The following UBE2QL1 variants were observed in gnomAD, a reference collection of about 807,000 sequenced individuals.
UBE2QL1 encodes the protein ubiquitin conjugating enzyme E2 QL1.
In UBE2QL1, 5 loss-of-function variants were observed where a neutral mutation model predicts 12.6. That is an observed-to-expected ratio of 0.40 (90% CI 0.21 to 0.83). The LOEUF (loss-of-function observed/expected upper bound fraction) is 0.83. Ranked by LOEUF, UBE2QL1 falls within the 40% of genes least tolerant of loss-of-function variation. The pLI is 0.37. For missense variants in UBE2QL1, 99 were observed against 222.6 expected (o/e 0.44, Z 3.53); for synonymous variants, 96 against 94.5 (o/e 1.02, Z -0.10).
rs114470364 is a variant in UBE2QL1, at chr5:6,470,001, C to T, written c.354+20754C>T. On this transcript the variant is annotated intron_variant, in intron 1 of 1. Transcript: ENST00000399816. Reference sequence around the variant, plus strand: ...GGCGGGACCCTGCAATGGTCTGTGGCGATTATAAGACAACAGCGATGCCGG... The same window carrying T: ...GGCGGGACCCTGCAATGGTCTGTGGTGATTATAAGACAACAGCGATGCCGG... Among the ~76,000 whole-genome samples the T allele has an allele frequency of 3.9e-3, 592 of 152,226 alleles. 6 individuals are homozygous for T. Among genetic ancestry groups the T allele is most frequent in the African/African-American group, 0.014 (563 of 41,530 alleles).
intron 1 of UBE2QL1, among the ~76,000 whole-genome samples, chr5:6,490,993 C>A (rs35044091): frequency 0.018 from 2,777 of 152,246 alleles, 34 homozygotes; most frequent in Non-Finnish European, 0.026. Flanking sequence ...CAGCACCCCC[C>A]TCCCCTAAAA....
At chr5:6,474,009 T>C (rs772801383) in intron 1 of UBE2QL1, among the ~76,000 whole-genome samples, 8 of 152,270 alleles carry the variant, frequency 5.3e-5, no homozygotes, top group Non-Finnish European at 8.8e-5. Flanking sequence ...AATTATTGGC[T>C]GCAAACATAA....
rs929016088 is a variant in UBE2QL1 at position 6,481,816 on chromosome 5, A to G, written c.355-9402A>G. On this transcript the variant is annotated intron_variant, in intron 1 of 1. Transcript: ENST00000399816. This position sits in a 1 kb window ranked among gnomAD's most constrained non-coding sequence, Gnocchi z 4.5. ...CCGCCATACCACCTCCCAAATGACC[A>G]TCCACAAGGAAAACATGGCCCAATG... is the stretch of plus-strand genomic sequence containing the variant. Among the ~76,000 whole-genome samples the G allele has an allele frequency of 3.3e-5, 5 of 152,172 alleles. No individual in the cohort carries two copies. The highest frequency in any genetic ancestry group is 9.7e-5 in the African/African-American group (4 of 41,438).
Position 6,476,715 on chromosome 5 carries a change from T to G in UBE2QL1, c.355-14503T>G, listed in dbSNP as rs778208014. Among the ~76,000 whole-genome samples the G allele has an allele frequency of 6.6e-6, 1 of 152,234 alleles. No individual in the cohort carries two copies. Among genetic ancestry groups the G allele is most frequent in the Non-Finnish European group, 1.5e-5 (1 of 68,038 alleles). ...GTTCCTTTCATTGCCTGGAGTGACC[T>G]TTGGTCGTATCACATGAGAGATGCC... On this transcript the variant is annotated intron_variant, in intron 1 of 1. Transcript: ENST00000399816. The surrounding 1 kb of genome is among the most constrained non-coding windows in gnomAD (Gnocchi z 4.9).
chr5:6,465,218 C>T (rs745715924), intron 1 of UBE2QL1, among the ~76,000 whole-genome samples: 11 of 152,082 alleles, frequency 7.2e-5, no homozygotes, highest in African/African-American at 1.2e-4. Flanking sequence ...AACTTTTGAC[C>T]TCAGGTGATC....
At chr5:6,458,820 G>A (rs974778661) in intron 1 of UBE2QL1, among the ~76,000 whole-genome samples, 1 of 152,208 alleles carries the variant, frequency 6.6e-6, no homozygotes, top group African/African-American at 2.4e-5. Context: ...AGTATTAGAA[G>A]CCTTTAAAAT....
At position 6,459,737 on chromosome 5, in the gene UBE2QL1, CA is replaced by C. The variant is rs202109825; in HGVS notation, c.354+10492del. Among the ~76,000 whole-genome samples, 53 of 152,288 alleles carry C rather than the reference CA, an allele frequency of 3.5e-4. No individual in the cohort carries two copies. In the East Asian group the frequency reaches 5.6e-3, roughly 16 times the overall value. On this transcript the variant is annotated intron_variant, in intron 1 of 1. Coordinates refer to ENST00000399816, the MANE Select transcript of UBE2QL1 (RefSeq NM_001145161.3). ...CTCCTAATCTGACAATAATGAATATCAATGACATTTCAAAATATCTACAACA... is the reference window on the plus strand; with the variant it reads ...CTCCTAATCTGACAATAATGAATATCATGACATTTCAAAATATCTACAACA...
At chr5:6,482,409 T>C (rs2126366330) in intron 1 of UBE2QL1, among the ~76,000 whole-genome samples, 1 of 152,266 alleles carries the variant, frequency 6.6e-6, no homozygotes, top group African/African-American at 2.4e-5. Context: ...AGCCTCAGGA[T>C]GCTCACTGCC....
chr5:6,455,026 G>A (rs1739490699), intron 1 of UBE2QL1, among the ~76,000 whole-genome samples: 1 of 152,170 alleles, frequency 6.6e-6, no homozygotes, highest in Admixed American at 6.5e-5. Flanking sequence ...GGGGTGCATG[G>A]GGCAGCTCCT....
intron 1 of UBE2QL1, among the ~76,000 whole-genome samples, chr5:6,488,733 A>C (rs1392219086): frequency 6.6e-6 from 1 of 151,790 alleles, no homozygotes; most frequent in Non-Finnish European, 1.5e-5. Flanking sequence ...CCAGGAGATC[A>C]AGGTTGCACT....
At chr5:6,458,279 C>A (rs1440824139) in intron 1 of UBE2QL1, among the ~76,000 whole-genome samples, 2 of 152,120 alleles carry the variant, frequency 1.3e-5, no homozygotes, top group Admixed American at 1.3e-4. Flanking sequence ...GATGAAGGAG[C>A]TAAGGAAATA....
chr5:6,478,264 GC>G lies in UBE2QL1; in HGVS notation c.355-12953del, dbSNP rs1455145042. Among the ~76,000 whole-genome samples the G allele has an allele frequency of 6.6e-6, 1 of 152,078 alleles. No homozygotes were observed. The highest frequency in any genetic ancestry group is 2.1e-4 in the South Asian group (1 of 4,828). ...TTTTGACATTGCTGAATTTCCTTCTGCATTGTGAAACTCTAGTGCTGAGCAT... is the reference window on the plus strand; with the variant it reads ...TTTTGACATTGCTGAATTTCCTTCTGATTGTGAAACTCTAGTGCTGAGCAT... On this transcript the variant is annotated intron_variant, in intron 1 of 1. Coordinates refer to ENST00000399816, the MANE Select transcript of UBE2QL1 (RefSeq NM_001145161.3). This position sits in a 1 kb window ranked among gnomAD's most constrained non-coding sequence, Gnocchi z 4.5.
Position 6,492,373 on chromosome 5 carries a change from G to A in UBE2QL1, c.*1024G>A, listed in dbSNP as rs138649543. On this transcript the variant is annotated 3_prime_UTR_variant, in exon 2 of 2. Transcript: ENST00000399816. ...CCCAATAGTCACTTGTGTGTCCCCC[G>A]AAATTGGGATGGGTGAGCACCCTTG... The A allele has an allele frequency of 3.3e-5, 5 of 152,290 alleles. No homozygotes were observed. The East Asian group carries it at 7.7e-4, about 23-fold the overall frequency. 9.4% of individuals were successfully genotyped at this position (152,290 alleles called of 1,614,324 possible).
intron 1 of UBE2QL1, among the ~76,000 whole-genome samples, chr5:6,470,589 A>T (rs1478362368): frequency 6.6e-6 from 1 of 152,104 alleles, no homozygotes; most frequent in Non-Finnish European, 1.5e-5. Flanking sequence ...GCTGTTCAGG[A>T]TAGTCTGAGG....
intron 1 of UBE2QL1, among the ~76,000 whole-genome samples, chr5:6,472,806 C>T (rs960474942): frequency 3.9e-5 from 6 of 152,252 alleles, no homozygotes; most frequent in East Asian, 1.9e-4. Context: ...ACATTATGAT[C>T]GAGGCTGTTT....
intron 1 of UBE2QL1, among the ~76,000 whole-genome samples, chr5:6,458,455 AT>A (rs1739581409): frequency 6.6e-6 from 1 of 152,222 alleles, no homozygotes; most frequent in Non-Finnish European, 1.5e-5. Context: ...AACTTATTAC[AT>A]TTTGGTTCTA....
At chr5:6,449,425 G>A (rs1579283211) in intron 1 of UBE2QL1, among the ~76,000 whole-genome samples, 178 bp downstream of exon 1, 1 of 152,106 alleles carries the variant, frequency 6.6e-6, no homozygotes, top group Non-Finnish European at 1.5e-5. Flanking sequence ...TTTTCCCTGA[G>A]CGTTTTCTTC....
chr5:6,469,357 G>A (rs552073763), intron 1 of UBE2QL1, among the ~76,000 whole-genome samples: 2 of 150,462 alleles, frequency 1.3e-5, no homozygotes, highest in South Asian at 2.1e-4. Flanking sequence ...TATAAGGCTG[G>A]GTTCTTTATA....
At position 6,478,825 on chromosome 5, in the gene UBE2QL1, T is replaced by A. The variant is rs1262478438; in HGVS notation, c.355-12393T>A. On this transcript the variant is annotated intron_variant, in intron 1 of 1. Coordinates refer to ENST00000399816, the MANE Select transcript of UBE2QL1 (RefSeq NM_001145161.3). The surrounding 1 kb of genome is among the most constrained non-coding windows in gnomAD (Gnocchi z 4.5). ...ATCTCCTGCGCACGTGGGAGAGTGA[T>A]CCTAGGACGTGCAGATGCATTCTGT... Among the ~76,000 whole-genome samples the A allele has an allele frequency of 6.6e-6, 1 of 152,022 alleles. No homozygotes were observed. The highest frequency in any genetic ancestry group is 1.5e-5 in the Non-Finnish European group (1 of 67,986).
Sources: gnomAD v4.1 joint callset for allele counts (sites outside exome capture counted in the v4.1 genomes callset) on GRCh38, gnomAD v4.1.1 for gene constraint, Gnocchi (gnomAD v3.1) non-coding constraint, MANE v1.5 for transcripts, NCBI Gene and HGNC (gene_info 2026-07-23, HGNC 2026-07-21) for gene names.